The following MCPH1 variants were observed in gnomAD, a reference collection of about 807,000 sequenced individuals.
MCPH1 encodes the protein microcephalin 1.
In MCPH1, 104 loss-of-function variants were observed where a neutral mutation model predicts 84.5. The observed-to-expected ratio is 1.23, with a 90% CI of 1.05 to 1.45. MCPH1 has a LOEUF of 1.45. Among genes scored for constraint, MCPH1 ranks in the 40% most tolerant of loss-of-function variants. The pLI, the probability that MCPH1 is intolerant of heterozygous loss-of-function variation, is 0.00. For missense variants in MCPH1, 1,498 were observed against 1,005.7 expected, an observed-to-expected ratio of 1.49 and a Z score of -6.62; for synonymous variants, 514 against 366.8, an observed-to-expected ratio of 1.40 and a Z score of -4.58.
chr8:6,622,872 G>C (rs183029188), intron 13 of MCPH1, among the ~76,000 whole-genome samples: 1 of 152,050 alleles, frequency 6.6e-6, no homozygotes, highest in Non-Finnish European at 1.5e-5. Context: ...ACAGTGTCTC[G>C]CTCTGTCACC....
intron 9 of MCPH1, among the ~76,000 whole-genome samples, chr8:6,464,266 G>C (rs78893015): frequency 6.6e-6 from 1 of 152,148 alleles, no homozygotes; most frequent in African/African-American, 2.4e-5. Flanking sequence ...TGGCAGTGGC[G>C]GGGATGTGCT....
chr8:6,418,707 G>A (rs555647658), intron 3 of MCPH1, among the ~76,000 whole-genome samples: 1 of 152,012 alleles, frequency 6.6e-6, no homozygotes, highest in East Asian at 1.9e-4. Context: ...TCAGCCTCCC[G>A]AGTAGCTGGG....
At chr8:6,490,143 C>T (rs115685848) in intron 11 of MCPH1, among the ~76,000 whole-genome samples, 1 of 152,108 alleles carries the variant, frequency 6.6e-6, no homozygotes, top group Non-Finnish European at 1.5e-5. Context: ...AGCACAAATT[C>T]CAAGCTTTGA....
At chr8:6,499,785 A>T in intron 11 of MCPH1, 67 bp from the exon 12 acceptor site, 1 of 1,416,766 alleles carries the variant, frequency 7.1e-7, no homozygotes, top group Non-Finnish European at 1.0e-6. Flanking sequence ...CTTCAAAGTG[A>T]TTCTTGGTTT....
chr8:6,579,464 G>A (rs1041240217), intron 12 of MCPH1, among the ~76,000 whole-genome samples: 3 of 152,152 alleles, frequency 2.0e-5, no homozygotes, highest in Non-Finnish European at 2.9e-5. Flanking sequence ...ATTGTCTGTC[G>A]CCCTCTGGTG....
At chr8:6,552,750 G>A (rs1823874981) in intron 12 of MCPH1, among the ~76,000 whole-genome samples, 1 of 151,812 alleles carries the variant, frequency 6.6e-6, no homozygotes. Flanking sequence ...AAGATACACA[G>A]TGATTGTTTC....
At chr8:6,609,429 A>G (rs1830055216) in intron 12 of MCPH1, among the ~76,000 whole-genome samples, 1 of 152,242 alleles carries the variant, frequency 6.6e-6, no homozygotes, top group Non-Finnish European at 1.5e-5. Flanking sequence ...TCCCAAGACG[A>G]TTATGTTCCC....
intron 9 of MCPH1, among the ~76,000 whole-genome samples, chr8:6,460,649 T>C (rs1806178327): frequency 6.6e-6 from 1 of 152,204 alleles, no homozygotes; most frequent in Non-Finnish European, 1.5e-5. Context: ...GTTTTTCTTA[T>C]CTGTTGTTTT....
At chr8:6,541,720 A>T (rs1821609252) in intron 12 of MCPH1, among the ~76,000 whole-genome samples, 1 of 152,228 alleles carries the variant, frequency 6.6e-6, no homozygotes. Context: ...TACTGAATGT[A>T]GGGCCGGGCA....
chr8:6,613,073 C>A (rs953532701), intron 12 of MCPH1, among the ~76,000 whole-genome samples: 1 of 152,144 alleles, frequency 6.6e-6, no homozygotes, highest in East Asian at 1.9e-4. Flanking sequence ...GGGGGATCGG[C>A]CTTCCATATG....
chr8:6,460,873 C>T (rs1806204880), intron 9 of MCPH1, among the ~76,000 whole-genome samples: 1 of 152,112 alleles, frequency 6.6e-6, no homozygotes, highest in South Asian at 2.1e-4. Flanking sequence ...ATAGCTGGGG[C>T]TTGTTTGTTT....
intron 12 of MCPH1, among the ~76,000 whole-genome samples, chr8:6,605,622 G>C (rs1421686877): frequency 6.6e-6 from 1 of 152,232 alleles, no homozygotes; most frequent in Non-Finnish European, 1.5e-5. Context: ...AGTGGCTGCT[G>C]ATCTGGGCCT....
chr8:6,504,317 CAAAAAAAAAA>C (rs35379672), intron 12 of MCPH1, among the ~76,000 whole-genome samples: 14 of 85,914 alleles, frequency 1.6e-4, no homozygotes, highest in Non-Finnish European at 1.1e-4. Flanking sequence ...GACTCCAGCT[CAAAAAAAAAA>C]AAAAAAAAAA....
intron 13 of MCPH1, among the ~76,000 whole-genome samples, chr8:6,630,046 T>A (rs757172004): frequency 6.6e-6 from 1 of 152,238 alleles, no homozygotes; most frequent in Non-Finnish European, 1.5e-5. Flanking sequence ...CTCATTTTAT[T>A]TTTTAGTCAA....
At chr8:6,446,377 T>TC (rs1804372328) in intron 8 of MCPH1, 37 of 984,846 alleles carry the variant, frequency 3.8e-5, no homozygotes, top group Non-Finnish European at 4.5e-5. Flanking sequence ...TACAAATGTT[T>TC]TAACTGCCTC....
At position 6,413,775 on chromosome 8, in the gene MCPH1, G is replaced by C. The variant is rs192987075; in HGVS notation, c.115-990G>C. 8.8e-3 allele frequency among the ~76,000 whole-genome samples: 1,292 copies of C among 147,324 alleles called. 9 individuals are homozygous for C. The highest frequency in any genetic ancestry group is 0.014 in the Non-Finnish European group (933 of 67,282). On this transcript the variant is annotated intron_variant, in intron 2 of 13. Coordinates refer to ENST00000344683, the MANE Select transcript of MCPH1 (RefSeq NM_024596.5). ...TATCTTTTTTTTTTTTTTTTTTGGA[G>C]ATGGAGTCTTGCTGTGTTACCCAGG...
At chr8:6,434,455 A>T (rs1169652347) in intron 4 of MCPH1, among the ~76,000 whole-genome samples, 1 of 152,224 alleles carries the variant, frequency 6.6e-6, no homozygotes, top group Non-Finnish European at 1.5e-5. Flanking sequence ...ATTTTGTGTC[A>T]TGCAGGTACT....
intron 9 of MCPH1, among the ~76,000 whole-genome samples, chr8:6,468,614 A>C (rs888861428): frequency 3.3e-5 from 5 of 151,108 alleles, no homozygotes; most frequent in African/African-American, 1.2e-4. Flanking sequence ...TTTAGACACT[A>C]ATGATGAACT....
At chr8:6,630,663 C>A (rs2129582126) in intron 13 of MCPH1, among the ~76,000 whole-genome samples, 1 of 151,894 alleles carries the variant, frequency 6.6e-6, no homozygotes, top group African/African-American at 2.4e-5. Flanking sequence ...TGCCTGTGAT[C>A]CCAGCTACTT....
Sources: allele counts gnomAD v4.1 joint callset (sites outside exome capture counted in the v4.1 genomes callset), GRCh38; gene constraint gnomAD v4.1.1; transcripts MANE v1.5; gene names NCBI Gene and HGNC (gene_info 2026-07-23, HGNC 2026-07-21).